MAP2: variants seen among roughly 807,000 people sequenced by gnomAD.
MAP2 encodes microtubule associated protein 2.
MAP2 carries 14 observed loss-of-function variants against 137.6 expected under a neutral mutation model. That is an observed-to-expected ratio of 0.10 (90% CI 0.07 to 0.16). The LOEUF is 0.16. Ranked by LOEUF, MAP2 falls within the 10% of genes least tolerant of loss-of-function variation. MAP2 has a pLI of 1.00. For missense variants in MAP2, 2,088 were observed against 2,191.5 expected, an observed-to-expected ratio of 0.95 and a Z score of 0.94; for synonymous variants, 786 against 782.3, an observed-to-expected ratio of 1.00 and a Z score of -0.08.
intron 3 of MAP2, among the ~76,000 whole-genome samples, chr2:209,597,587 A>G (rs1197007841): frequency 2.0e-5 from 3 of 152,176 alleles, no homozygotes; most frequent in Non-Finnish European, 4.4e-5. Context: ...TCTAATCATG[A>G]TATTTCTGTG....
chr2:209,589,509 G>A (rs1283967407), intron 3 of MAP2, among the ~76,000 whole-genome samples: 3 of 152,194 alleles, frequency 2.0e-5, no homozygotes, highest in East Asian at 1.9e-4. Flanking sequence ...AGGCAGTGGC[G>A]ACCTCTACTA....
At chr2:209,661,599 G>A (rs1035866524) in intron 5 of MAP2, 27 of 985,290 alleles carry the variant, frequency 2.7e-5, no homozygotes, top group Non-Finnish European at 3.3e-5. Flanking sequence ...TCTTTTCAGT[G>A]TTTTCCTTCT....
chr2:209,624,738 A>G (rs925666295), intron 3 of MAP2, among the ~76,000 whole-genome samples: 3 of 152,178 alleles, frequency 2.0e-5, no homozygotes, highest in Admixed American at 6.6e-5. Flanking sequence ...TCTGCTATTT[A>G]TTAGCTGAAG....
chr2:209,673,911 A>G (rs1426009409), intron 5 of MAP2, among the ~76,000 whole-genome samples: 1 of 151,806 alleles, frequency 6.6e-6, no homozygotes, highest in African/African-American at 2.4e-5. Flanking sequence ...TTTTCATGTC[A>G]CCAATTGTCT....
intron 4 of MAP2, among the ~76,000 whole-genome samples, chr2:209,627,725 G>A (rs939179384): frequency 1.3e-5 from 2 of 152,134 alleles, no homozygotes; most frequent in African/African-American, 4.8e-5. Context: ...TGTTAGGAAA[G>A]CAAGGAAGAC....
rs570988721 is a variant in MAP2 at position 209,462,168 on chromosome 2, T to G, written c.-222+37892T>G. 4.6e-5 allele frequency among the ~76,000 whole-genome samples: 7 copies of G among 152,356 alleles called. No homozygotes were observed. In the East Asian group the frequency reaches 5.8e-4, roughly 13 times the overall value. On this transcript the variant is annotated intron_variant, in intron 1 of 15. Transcript: ENST00000682079. ...AACTATGAAACGTTTTGTTCTAGTT[T>G]TCATTTTGAGAATAAGTGTTGTGAG...
chr2:209,558,915 T>C (rs2071326426), intron 2 of MAP2, among the ~76,000 whole-genome samples: 3 of 151,998 alleles, frequency 2.0e-5, no homozygotes, highest in Admixed American at 2.0e-4. Context: ...ATAGATGATA[T>C]TGGACACTTT....
At chr2:209,629,814 C>A (rs1432811741) in intron 4 of MAP2, among the ~76,000 whole-genome samples, 1 of 152,154 alleles carries the variant, frequency 6.6e-6, no homozygotes, top group East Asian at 1.9e-4. Context: ...CCCACATACT[C>A]TGGCAGGAGT....
At chr2:209,499,393 T>C (rs912979439) in intron 1 of MAP2, among the ~76,000 whole-genome samples, 2 of 152,154 alleles carry the variant, frequency 1.3e-5, no homozygotes, top group Admixed American at 6.5e-5. Context: ...GTCACAACAA[T>C]TTAACTAGTC....
At chr2:209,581,060 G>T (rs543148112) in intron 3 of MAP2, among the ~76,000 whole-genome samples, 2 of 152,226 alleles carry the variant, frequency 1.3e-5, no homozygotes, top group South Asian at 4.1e-4. Flanking sequence ...AAATATACCT[G>T]AAAATAATGT....
At chr2:209,433,914 A>G (rs116813638) in intron 1 of MAP2, among the ~76,000 whole-genome samples, 2 of 152,100 alleles carry the variant, frequency 1.3e-5, no homozygotes, top group Admixed American at 6.6e-5. Context: ...AAAAAATTCC[A>G]TTCTCAATAT....
chr2:209,498,291 G>T (rs988700906), intron 1 of MAP2, among the ~76,000 whole-genome samples: 8 of 152,184 alleles, frequency 5.3e-5, no homozygotes, highest in East Asian at 1.9e-4. Context: ...GTACAATGAG[G>T]GGGCTCCTAA....
At chr2:209,648,580 A>G (rs1472476044) in intron 4 of MAP2, among the ~76,000 whole-genome samples, 4 of 150,252 alleles carry the variant, frequency 2.7e-5, no homozygotes, top group African/African-American at 2.5e-5. Context: ...GAAGAGAAAT[A>G]AGGCGGCCAA....
At chr2:209,481,774 A>AT (rs1708844011) in intron 1 of MAP2, among the ~76,000 whole-genome samples, 1 of 152,190 alleles carries the variant, frequency 6.6e-6, no homozygotes, top group South Asian at 2.1e-4. Flanking sequence ...AGTAGAATAC[A>AT]TTTTTATTCA....
intron 2 of MAP2, among the ~76,000 whole-genome samples, chr2:209,529,451 T>C (rs989669241): frequency 3.3e-5 from 5 of 152,100 alleles, no homozygotes; most frequent in Non-Finnish European, 7.4e-5. Flanking sequence ...CATTGCTGGG[T>C]GTAAGTGAGA....
chr2:209,669,205 T>A (rs1036972488), intron 5 of MAP2, among the ~76,000 whole-genome samples: 17 of 152,092 alleles, frequency 1.1e-4, no homozygotes, highest in Admixed American at 3.9e-4. Context: ...ATTTGCGAAT[T>A]CTTAGAAACG....
intron 2 of MAP2, chr2:209,579,267 G>GTGCT: frequency 2.1e-5 from 1 of 48,170 alleles, no homozygotes; most frequent in South Asian, 4.3e-4. Flanking sequence ...GTGTGTGTGT[G>GTGCT]TGCGTGCGTG....
intron 3 of MAP2, among the ~76,000 whole-genome samples, chr2:209,615,549 G>A (rs1318935510): frequency 6.6e-6 from 1 of 152,148 alleles, no homozygotes; most frequent in Non-Finnish European, 1.5e-5. Context: ...TTCCACAATT[G>A]TCAAAGCATT....
At chr2:209,460,627 T>A (rs942938293) in intron 1 of MAP2, among the ~76,000 whole-genome samples, 2 of 151,914 alleles carry the variant, frequency 1.3e-5, no homozygotes, top group African/African-American at 2.4e-5. Context: ...TTCCTCTTTA[T>A]TTTTTTCTCT....
Sources: gnomAD v4.1 joint callset for allele counts (sites outside exome capture counted in the v4.1 genomes callset) on GRCh38, gnomAD v4.1.1 for gene constraint, MANE v1.5 for transcripts, NCBI Gene and HGNC (gene_info 2026-07-23, HGNC 2026-07-21) for gene names.